The following GNG7 variants were observed in gnomAD, a reference collection of about 807,000 sequenced individuals.
The protein encoded by GNG7 is guanine nucleotide-binding protein G(I)/G(S)/G(O) subunit gamma-7.
In GNG7, 1 loss-of-function variant was observed where a neutral mutation model predicts 4.0. That is an observed-to-expected ratio of 0.25 (90% confidence interval 0.09 to 1.18). The LOEUF (loss-of-function observed/expected upper bound fraction) is 1.18, where lower values mean the gene tolerates loss of function less well. Among genes scored for constraint, GNG7 ranks in the 50% most tolerant of loss-of-function variants. The pLI, the probability that GNG7 is intolerant of heterozygous loss-of-function variation, is 0.50. For missense variants in GNG7, 86 were observed against 91.9 expected (o/e 0.94, Z 0.26); for synonymous variants, 34 against 36.9 (o/e 0.92, Z 0.29).
chr19:2,592,302 T>C (rs965501683), intron 2 of GNG7, among the ~76,000 whole-genome samples: 6 of 152,048 alleles, frequency 3.9e-5, no homozygotes, highest in Non-Finnish European at 7.4e-5. Context: ...CTTAACATTT[T>C]TCAAAAGGCT....
At position 2,609,307 on chromosome 19, in the gene GNG7, G is replaced by A. The variant is rs1981490637; in HGVS notation, c.-78+36917C>T. ...CCTGTGGAGCTGGGACTACAGGCAC[G>A]TACCACCCCACCCAGCTAATTTTTG... On this transcript the variant is annotated intron_variant, in intron 2 of 4. Coordinates refer to ENST00000382159, the MANE Select transcript of GNG7 (RefSeq NM_052847.3). This position sits in a 1 kb window ranked among gnomAD's most constrained non-coding sequence, Gnocchi z 4.4. Among the ~76,000 whole-genome samples the A allele has an allele frequency of 6.6e-6, 1 of 152,096 alleles. No homozygotes were observed. Among genetic ancestry groups the A allele is most frequent in the Non-Finnish European group, 1.5e-5 (1 of 68,018 alleles).
At chr19:2,612,324 T>C (rs976191038) in intron 2 of GNG7, among the ~76,000 whole-genome samples, 6 of 152,214 alleles carry the variant, frequency 3.9e-5, no homozygotes, top group Middle Eastern at 3.4e-3. Context: ...AGCATCCCAG[T>C]TGTGATAACC....
chr19:2,657,809 G>A (rs756763609), intron 1 of GNG7, among the ~76,000 whole-genome samples: 3 of 152,180 alleles, frequency 2.0e-5, no homozygotes, highest in Non-Finnish European at 4.4e-5. Flanking sequence ...GAGGGCACGA[G>A]CTGCCTGGCT....
intron 1 of GNG7, among the ~76,000 whole-genome samples, chr19:2,675,735 G>T (rs1432936025): frequency 1.3e-5 from 2 of 152,144 alleles, no homozygotes; most frequent in Admixed American, 6.5e-5. Context: ...TTCACGATTG[G>T]GGGGAGCTCC....
intron 2 of GNG7, among the ~76,000 whole-genome samples, chr19:2,568,751 TAC>T (rs557655814): frequency 3.3e-5 from 5 of 150,190 alleles, no homozygotes; most frequent in East Asian, 3.9e-4. Flanking sequence ...CATACACACA[TAC>T]ACACATACAC....
At chr19:2,651,489 C>A (rs1004265221) in intron 1 of GNG7, among the ~76,000 whole-genome samples, 1 of 143,148 alleles carries the variant, frequency 7.0e-6, no homozygotes, top group East Asian at 2.0e-4. Context: ...CTCTCTTACT[C>A]TCTTTCTGTC....
At chr19:2,569,622 C>T (rs1489698130) in intron 2 of GNG7, among the ~76,000 whole-genome samples, 8 of 152,128 alleles carry the variant, frequency 5.3e-5, no homozygotes, top group Admixed American at 3.9e-4. Flanking sequence ...ACAATTATGT[C>T]GCTATCATAC....
chr19:2,552,958 A>ACGAAGGCAGCC (rs1199439148), intron 3 of GNG7, among the ~76,000 whole-genome samples: 2 of 151,296 alleles, frequency 1.3e-5, no homozygotes, highest in East Asian at 3.9e-4. Context: ...AAAAGGAAGA[A>ACGAAGGCAGCC]CGAAGGCAGC....
chr19:2,635,075 G>A (rs978520636), intron 2 of GNG7, among the ~76,000 whole-genome samples: 3 of 152,212 alleles, frequency 2.0e-5, no homozygotes, highest in African/African-American at 4.8e-5. Flanking sequence ...CTCTGGGGTG[G>A]GGTCGTCCTG....
chr19:2,616,246 T>TTTA (rs1192575587), intron 2 of GNG7, among the ~76,000 whole-genome samples: 4 of 152,086 alleles, frequency 2.6e-5, no homozygotes, highest in South Asian at 4.1e-4. Context: ...CCATCTCTAA[T>TTTA]TTATTATTAT....
intron 2 of GNG7, among the ~76,000 whole-genome samples, chr19:2,562,320 G>A (rs1382641520): frequency 6.6e-6 from 1 of 150,826 alleles, no homozygotes; most frequent in East Asian, 2.0e-4. Flanking sequence ...GTCTGGCTCT[G>A]TCGCCCAGGC....
At chr19:2,539,861 CCTT>C (rs1978890390) in intron 3 of GNG7, among the ~76,000 whole-genome samples, 2 of 145,590 alleles carry the variant, frequency 1.4e-5, no homozygotes, top group South Asian at 4.5e-4. Flanking sequence ...TGCCTCCCTC[CCTT>C]CTTCTTTCTC....
chr19:2,682,750 C>T (rs974984284), intron 1 of GNG7, among the ~76,000 whole-genome samples: 4 of 151,736 alleles, frequency 2.6e-5, no homozygotes, highest in African/African-American at 9.7e-5. Flanking sequence ...TCTCCCACTC[C>T]ACGCCATGAG....
chr19:2,679,018 G>A (rs905948165), intron 1 of GNG7, among the ~76,000 whole-genome samples: 2 of 152,122 alleles, frequency 1.3e-5, no homozygotes, highest in Admixed American at 6.6e-5. Context: ...CATGGTGTCC[G>A]TGAGGAAAAA....
chr19:2,594,202 C>A (rs902419728), intron 2 of GNG7, among the ~76,000 whole-genome samples: 1 of 151,992 alleles, frequency 6.6e-6, no homozygotes, highest in Non-Finnish European at 1.5e-5. Flanking sequence ...GAAACCCCAT[C>A]TCTACTAAAA....
intron 2 of GNG7, among the ~76,000 whole-genome samples, chr19:2,590,166 T>C (rs552214635): frequency 8.5e-5 from 13 of 152,274 alleles, no homozygotes; most frequent in Non-Finnish European, 1.8e-4. Flanking sequence ...AAACTATAGG[T>C]AACAACATTA....
intron 1 of GNG7, among the ~76,000 whole-genome samples, chr19:2,691,050 T>C (rs1410021490): frequency 2.6e-5 from 4 of 152,144 alleles, no homozygotes; most frequent in Non-Finnish European, 4.4e-5. Context: ...ATTGTGATTA[T>C]AACGAATGTA....
At chr19:2,610,048 G>A (rs978398904) in intron 2 of GNG7, 8 of 152,166 alleles carry the variant, frequency 5.3e-5, no homozygotes, top group Non-Finnish European at 8.8e-5. Flanking sequence ...TAGTATCACC[G>A]GGTCAAGATG....
At chr19:2,605,230 C>T (rs1233619140) in intron 2 of GNG7, among the ~76,000 whole-genome samples, 1 of 152,148 alleles carries the variant, frequency 6.6e-6, no homozygotes. Flanking sequence ...CAAGGTCTCT[C>T]TCTGTTGCCC....
Sources: gnomAD v4.1 joint callset for allele counts (sites outside exome capture counted in the v4.1 genomes callset) on GRCh38, gnomAD v4.1.1 for gene constraint, Gnocchi (gnomAD v3.1) non-coding constraint, MANE v1.5 for transcripts, NCBI Gene and HGNC (gene_info 2026-07-23, HGNC 2026-07-21) for gene names.